MANBA: variants seen among roughly 807,000 people sequenced by gnomAD.
MANBA encodes mannosidase beta, also known as beta-mannosidase.
In MANBA, 83 loss-of-function variants were observed where a neutral mutation model predicts 111.1. That is an observed-to-expected ratio of 0.75 (90% CI 0.63 to 0.90). MANBA has a LOEUF of 0.90. Among genes scored for constraint, MANBA ranks in the 40% least tolerant of loss-of-function variants. The probability of loss-of-function intolerance (pLI) is 0.00; values close to 1 mark genes in which losing one functional copy is unlikely to be tolerated. For missense variants in MANBA, 1,036 were observed against 1,069.0 expected (o/e 0.97, Z 0.43); for synonymous variants, 370 against 378.7 (o/e 0.98, Z 0.27).
At chr4:102,672,308 TAATA>T (rs746971726) in intron 8 of MANBA, among the ~76,000 whole-genome samples, 4 of 152,228 alleles carry the variant, frequency 2.6e-5, no homozygotes, top group Non-Finnish European at 4.4e-5. Context: ...TTAATTTAGA[TAATA>T]AATAAGTTTA....
intron 5 of MANBA, among the ~76,000 whole-genome samples, chr4:102,698,672 T>G (rs965424013): frequency 6.6e-6 from 1 of 152,014 alleles, no homozygotes; most frequent in Non-Finnish European, 1.5e-5. Context: ...GTTGTAGATA[T>G]ACAGCGTTAT....
intron 1 of MANBA, chr4:102,753,834 G>C (rs989757964): frequency 3.0e-6 from 1 of 330,130 alleles, no homozygotes; most frequent in Non-Finnish European, 6.0e-6. Context: ...TGTAATCCCA[G>C]CACTTTGACA....
intron 5 of MANBA, among the ~76,000 whole-genome samples, chr4:102,696,662 C>T (rs547359707): frequency 6.6e-6 from 1 of 152,250 alleles, no homozygotes; most frequent in East Asian, 1.9e-4. Flanking sequence ...GAAAAAGATG[C>T]TTCATCTCAC....
At chr4:102,730,273 C>G in intron 1 of MANBA, 1 of 555,172 alleles carries the variant, frequency 1.8e-6, no homozygotes, top group East Asian at 2.9e-5. Flanking sequence ...TACCACATAT[C>G]GTCTCATGAC....
At chr4:102,644,388 G>A (rs1303832169) in intron 13 of MANBA, among the ~76,000 whole-genome samples, 3 of 152,086 alleles carry the variant, frequency 2.0e-5, no homozygotes, top group African/African-American at 7.2e-5. Context: ...ATCAACAGAT[G>A]AGTACATAAA....
chr4:102,704,240 A>C (rs941181784), intron 5 of MANBA, among the ~76,000 whole-genome samples: 96 of 152,300 alleles, frequency 6.3e-4, no homozygotes, highest in African/African-American at 2.1e-3. Context: ...TTGATAAATC[A>C]GCTCTGTCTA....
chr4:102,727,602 G>A, intron 1 of MANBA: 2 of 1,595,842 alleles, frequency 1.3e-6, no homozygotes, highest in East Asian at 2.2e-5. Context: ...TTTTGGGCTC[G>A]GGAGACAGGC....
chr4:102,660,147 TC>T (rs1377860584), intron 11 of MANBA, among the ~76,000 whole-genome samples: 1 of 152,174 alleles, frequency 6.6e-6, no homozygotes, highest in Non-Finnish European at 1.5e-5. Flanking sequence ...ATTTACTAAT[TC>T]CAAACTTATC....
intron 4 of MANBA, among the ~76,000 whole-genome samples, chr4:102,718,093 C>T (rs1167536590): frequency 6.6e-6 from 1 of 152,198 alleles, no homozygotes; most frequent in Non-Finnish European, 1.5e-5. Context: ...GTACTATTCA[C>T]ATCATCAAGA....
intron 9 of MANBA, 78 bp downstream of exon 9, chr4:102,671,203 T>C (rs561100164): frequency 7.7e-5 from 72 of 933,726 alleles, no homozygotes; most frequent in Admixed American, 3.7e-4. Context: ...ACTGGGGCAA[T>C]TGCATCATTC....
chr4:102,756,326 G>A (rs1459971181), intron 1 of MANBA, among the ~76,000 whole-genome samples: 1 of 152,060 alleles, frequency 6.6e-6, no homozygotes, highest in East Asian at 1.9e-4. Flanking sequence ...CCTTTGTAGG[G>A]ACATGGATGA....
intron 12 of MANBA, 103 bp from the exon 13 acceptor site, chr4:102,650,804 G>T: frequency 1.1e-6 from 1 of 894,712 alleles, no homozygotes; most frequent in Non-Finnish European, 1.8e-6. Flanking sequence ...CACTAGAGAA[G>T]ACCTTGAGGT....
intron 1 of MANBA, chr4:102,729,840 AACCAT>A: frequency 2.2e-6 from 3 of 1,357,346 alleles, no homozygotes; most frequent in Non-Finnish European, 3.2e-6. Context: ...CTGCTCCAGG[AACCAT>A]ACCTTGTCTA....
At chr4:102,752,563 G>A (rs1485252328) in intron 1 of MANBA, 2 of 672,736 alleles carry the variant, frequency 3.0e-6, no homozygotes, top group African/African-American at 1.8e-5. Flanking sequence ...GGGACACAGG[G>A]CTACTTTTCA....
chr4:102,668,872 G>T, intron 10 of MANBA, 91 bp downstream of exon 10: 1 of 1,074,372 alleles, frequency 9.3e-7, no homozygotes, highest in Non-Finnish European at 1.4e-6. Flanking sequence ...ATTTAGTAGA[G>T]AACAAAAACC....
intron 7 of MANBA, among the ~76,000 whole-genome samples, chr4:102,675,793 T>A (rs1731698455): frequency 6.6e-6 from 1 of 152,094 alleles, no homozygotes; most frequent in Non-Finnish European, 1.5e-5. Context: ...GCCAACATGG[T>A]GAAATCCTAT....
At chr4:102,681,680 GTTGT>G (rs1458002458) in intron 7 of MANBA, 2 of 152,130 alleles carry the variant, frequency 1.3e-5, no homozygotes, top group African/African-American at 4.8e-5. Flanking sequence ...CTGTGCTATT[GTTGT>G]TTATTTCTAA....
At chr4:102,657,590 G>A (rs868767093) in intron 12 of MANBA, 92 bp downstream of exon 12, 2 of 1,029,268 alleles carry the variant, frequency 1.9e-6, no homozygotes, top group Non-Finnish European at 3.0e-6. Flanking sequence ...ATAAGACGTA[G>A]GTTTCATATG....
At chr4:102,686,810 G>T (rs1030322605) in intron 7 of MANBA, among the ~76,000 whole-genome samples, 5 of 151,962 alleles carry the variant, frequency 3.3e-5, no homozygotes, top group Admixed American at 3.3e-4. Flanking sequence ...GACTGCCTGG[G>T]GTTCTGTCCT....
Sources: allele counts gnomAD v4.1 joint callset (sites outside exome capture counted in the v4.1 genomes callset), GRCh38; gene constraint gnomAD v4.1.1; transcripts MANE v1.5; gene names NCBI Gene and HGNC (gene_info 2026-07-23, HGNC 2026-07-21).